Variants in NCAM2 observed in about 807,000 individuals in gnomAD.
The protein encoded by NCAM2 is N-CAM-2.
In NCAM2, 30 loss-of-function variants were observed where a neutral mutation model predicts 98.1. The observed-to-expected ratio is 0.31, with a 90% CI of 0.23 to 0.41. The LOEUF (loss-of-function observed/expected upper bound fraction) is 0.41. Among genes scored for constraint, NCAM2 ranks in the 10% least tolerant of loss-of-function variants. The probability of loss-of-function intolerance (pLI) is 1.00; values close to 1 mark genes in which losing one functional copy is unlikely to be tolerated. For synonymous variants in NCAM2, 368 were observed against 342.4 expected (o/e 1.07, Z -0.83); for missense variants, 867 against 1,005.8 (o/e 0.86, Z 1.87).
At chr21:21,013,013 C>G (rs1010899351) in intron 1 of NCAM2, among the ~76,000 whole-genome samples, 4 of 152,160 alleles carry the variant, frequency 2.6e-5, no homozygotes, top group Non-Finnish European at 5.9e-5. Context: ...TTGTCCCTCT[C>G]TTCAGACCTT....
intron 9 of NCAM2, among the ~76,000 whole-genome samples, chr21:21,381,836 AT>A (rs935212942): frequency 4.5e-4 from 69 of 151,952 alleles, no homozygotes; most frequent in African/African-American, 1.4e-3. Context: ...GAAGATCCCA[AT>A]TTTTTTTCAT....
At chr21:21,172,269 G>T (rs1454911781) in intron 1 of NCAM2, among the ~76,000 whole-genome samples, 1 of 152,012 alleles carries the variant, frequency 6.6e-6, no homozygotes, top group Non-Finnish European at 1.5e-5. Context: ...GTTTTTAGAT[G>T]CACTAGTACC....
chr21:21,462,416 C>T (rs1451442850), intron 12 of NCAM2, among the ~76,000 whole-genome samples: 1 of 151,986 alleles, frequency 6.6e-6, no homozygotes, highest in Non-Finnish European at 1.5e-5. Context: ...GATGTCGTTG[C>T]TGCAATTGTT....
intron 8 of NCAM2, among the ~76,000 whole-genome samples, chr21:21,362,942 A>G (rs903489009): frequency 1.3e-5 from 2 of 152,302 alleles, no homozygotes; most frequent in East Asian, 1.9e-4. Context: ...TTGATTTTCT[A>G]TATGGATATT....
chr21:21,171,066 G>A (rs983243241), intron 1 of NCAM2, among the ~76,000 whole-genome samples: 2 of 152,094 alleles, frequency 1.3e-5, no homozygotes, highest in Non-Finnish European at 2.9e-5. Flanking sequence ...ACAAGGGTGT[G>A]GTAATACATT....
At chr21:21,292,493 G>T (rs1020389473) in intron 5 of NCAM2, among the ~76,000 whole-genome samples, 2 of 151,714 alleles carry the variant, frequency 1.3e-5, no homozygotes, top group Admixed American at 6.6e-5. Context: ...ATTGCCTTTT[G>T]CTGGAATTGT....
chr21:21,260,489 G>A (rs2071853411), intron 1 of NCAM2, among the ~76,000 whole-genome samples: 1 of 151,722 alleles, frequency 6.6e-6, no homozygotes, highest in Non-Finnish European at 1.5e-5. Context: ...AATCTCATCA[G>A]AGTAACAGCG....
intron 1 of NCAM2, among the ~76,000 whole-genome samples, chr21:21,243,043 A>G (rs535949542): frequency 2.0e-5 from 3 of 152,214 alleles, no homozygotes; most frequent in African/African-American, 7.2e-5. Context: ...TTCATAAAAT[A>G]ATTAAATTAA....
intron 1 of NCAM2, among the ~76,000 whole-genome samples, chr21:21,230,247 T>C (rs1442791460): frequency 6.6e-6 from 1 of 151,320 alleles, no homozygotes; most frequent in Non-Finnish European, 1.5e-5. Flanking sequence ...AAAGAAGCAA[T>C]CATTTTTCTA....
chr21:21,243,460 G>C (rs2071147099), intron 1 of NCAM2, among the ~76,000 whole-genome samples: 1 of 152,162 alleles, frequency 6.6e-6, no homozygotes, highest in African/African-American at 2.4e-5. Flanking sequence ...TGGGTTTTAA[G>C]AAGTACAGAC....
At chr21:21,034,221 G>C (rs1334484591) in intron 1 of NCAM2, among the ~76,000 whole-genome samples, 4 of 152,118 alleles carry the variant, frequency 2.6e-5, no homozygotes, top group African/African-American at 9.7e-5. Flanking sequence ...TTAAGTCTCT[G>C]TATGGCATAA....
At chr21:21,236,304 T>C (rs80340357) in intron 1 of NCAM2, among the ~76,000 whole-genome samples, 10 of 150,594 alleles carry the variant, frequency 6.6e-5, no homozygotes, top group Admixed American at 3.3e-4. Flanking sequence ...GTGTCATTTT[T>C]CCCTCTATTC....
chr21:21,351,117 CAA>C (rs61586915), intron 8 of NCAM2, among the ~76,000 whole-genome samples: 107 of 83,708 alleles, frequency 1.3e-3, no homozygotes, highest in South Asian at 7.9e-3. Flanking sequence ...GACTCTGTCT[CAA>C]AAAAAAAAAA....
At chr21:21,357,403 T>C (rs1006111216) in intron 8 of NCAM2, among the ~76,000 whole-genome samples, 5 of 152,136 alleles carry the variant, frequency 3.3e-5, no homozygotes, top group Non-Finnish European at 4.4e-5. Context: ...CTTTATATTA[T>C]AGGGGGCATT....
intron 15 of NCAM2, among the ~76,000 whole-genome samples, chr21:21,507,863 C>T (rs189410762): frequency 8.6e-5 from 13 of 151,244 alleles, no homozygotes; most frequent in Admixed American, 7.3e-4. Context: ...ATTTTGAATG[C>T]CTATCAAATT....
intron 1 of NCAM2, among the ~76,000 whole-genome samples, chr21:21,270,946 A>AT (rs374309457): frequency 0.019 from 2,729 of 146,494 alleles, 56 homozygotes; most frequent in African/African-American, 0.048. Flanking sequence ...TCTTTTAGTT[A>AT]TTTTTTTTTT....
At chr21:21,443,034 C>T (rs1314043408) in intron 12 of NCAM2, among the ~76,000 whole-genome samples, 1 of 152,082 alleles carries the variant, frequency 6.6e-6, no homozygotes, top group African/African-American at 2.4e-5. Flanking sequence ...TTCCTCTACA[C>T]GCAGCTTTAA....
chr21:21,300,046 T>C (rs990864672), intron 5 of NCAM2, among the ~76,000 whole-genome samples: 11 of 152,032 alleles, frequency 7.2e-5, no homozygotes, highest in African/African-American at 2.7e-4. Context: ...TATTGCTGTA[T>C]TGGTATTTTA....
chr21:21,362,789 T>C (rs1255098064), intron 8 of NCAM2, among the ~76,000 whole-genome samples: 1 of 152,216 alleles, frequency 6.6e-6, no homozygotes, highest in East Asian at 1.9e-4. Context: ...ATCTATATGA[T>C]AGACTATTGA....
Sources: allele counts gnomAD v4.1 joint callset (sites outside exome capture counted in the v4.1 genomes callset), GRCh38; gene constraint gnomAD v4.1.1; transcripts MANE v1.5; gene names NCBI Gene and HGNC (gene_info 2026-07-23, HGNC 2026-07-21).